Variants in CCDC102B observed in about 807,000 individuals in gnomAD.
CCDC102B encodes coiled-coil domain containing 102B.
Under a neutral mutation model 57.4 loss-of-function variants are expected in CCDC102B, and 75 were observed. The ratio of observed to expected loss-of-function variants is 1.31; its 90% CI spans 1.08 to 1.58. The LOEUF (loss-of-function observed/expected upper bound fraction) is 1.58. Ranked by LOEUF, CCDC102B falls within the 40% of genes most tolerant of loss-of-function variation. CCDC102B has a pLI of 0.00. For synonymous variants in CCDC102B, 206 were observed against 201.9 expected, an observed-to-expected ratio of 1.02 and a Z score of -0.17; for missense variants, 636 against 582.6, an observed-to-expected ratio of 1.09 and a Z score of -0.94.
chr18:69,041,661 C>CT (rs1480165166), intron 7 of CCDC102B, among the ~76,000 whole-genome samples: 7 of 152,108 alleles, frequency 4.6e-5, no homozygotes, highest in African/African-American at 1.2e-4. Context: ...TTATTTCTCT[C>CT]TTTTTTTCTT....
At chr18:68,725,083 C>T (rs2032532045) in intron 2 of CCDC102B, among the ~76,000 whole-genome samples, 1 of 152,126 alleles carries the variant, frequency 6.6e-6, no homozygotes, top group African/African-American at 2.4e-5. Context: ...GAGGGAAGCC[C>T]CTTATACAAC....
chr18:69,003,627 A>G (rs1010400168), intron 6 of CCDC102B, among the ~76,000 whole-genome samples: 6 of 152,178 alleles, frequency 3.9e-5, no homozygotes, highest in Non-Finnish European at 8.8e-5. Flanking sequence ...TCTGATCAAA[A>G]TGAGCACATA....
chr18:68,765,396 A>G (rs180851285), intron 2 of CCDC102B, among the ~76,000 whole-genome samples: 85 of 149,900 alleles, frequency 5.7e-4, no homozygotes, highest in African/African-American at 2.0e-3. Context: ...GAAAGAAAAG[A>G]AAGGAAGGAA....
intron 7 of CCDC102B, among the ~76,000 whole-genome samples, chr18:69,042,438 T>C (rs2052456632): frequency 6.6e-6 from 1 of 152,154 alleles, no homozygotes; most frequent in Admixed American, 6.6e-5. Flanking sequence ...TTTGGTCTTA[T>C]CTACATGGCT....
intron 7 of CCDC102B, among the ~76,000 whole-genome samples, chr18:69,044,318 T>C (rs2052505867): frequency 6.6e-6 from 1 of 152,170 alleles, no homozygotes; most frequent in Non-Finnish European, 1.5e-5. Flanking sequence ...TTTGCCACAG[T>C]AACTTTGGTT....
chr18:68,822,428 G>T (rs2036728572), intron 1 of CCDC102B, among the ~76,000 whole-genome samples: 1 of 151,792 alleles, frequency 6.6e-6, no homozygotes. Flanking sequence ...AAATTTTGTA[G>T]AAACAAATAA....
intron 2 of CCDC102B, among the ~76,000 whole-genome samples, chr18:68,792,143 C>T (rs141814797): frequency 9.8e-4 from 149 of 152,230 alleles, no homozygotes; most frequent in African/African-American, 3.5e-3. Flanking sequence ...CTGCTATGAG[C>T]TCAATTAAAA....
At chr18:68,998,104 G>T (rs546551463) in intron 6 of CCDC102B, among the ~76,000 whole-genome samples, 18 of 151,874 alleles carry the variant, frequency 1.2e-4, no homozygotes, top group Admixed American at 3.9e-4. Context: ...CCATCTTGGT[G>T]ATTACTCTAG....
chr18:68,794,257 T>C (rs971191154), upstream of CCDC102B, among the ~76,000 whole-genome samples: 1 of 152,052 alleles, frequency 6.6e-6, no homozygotes, highest in Admixed American at 6.6e-5. Context: ...AAGAATAGCT[T>C]CCCCATCTCC....
intron 6 of CCDC102B, among the ~76,000 whole-genome samples, chr18:68,983,939 C>A (rs1042278380): frequency 1.9e-4 from 29 of 151,596 alleles, no homozygotes; most frequent in Non-Finnish European, 2.8e-4. Flanking sequence ...AATAACAAAA[C>A]CAATATAACA....
chr18:68,720,206 T>G (rs1436366430), intron 2 of CCDC102B, among the ~76,000 whole-genome samples: 1 of 152,240 alleles, frequency 6.6e-6, no homozygotes, highest in Non-Finnish European at 1.5e-5. Flanking sequence ...CCACCAATTC[T>G]AGAATTATCC....
chr18:68,791,310 A>G (rs2035451380), intron 2 of CCDC102B, among the ~76,000 whole-genome samples: 1 of 152,210 alleles, frequency 6.6e-6, no homozygotes. Context: ...ATTGCAATTT[A>G]ATATAGTTCC....
At chr18:68,877,602 T>A (rs934053594) in intron 5 of CCDC102B, among the ~76,000 whole-genome samples, 1 of 152,242 alleles carries the variant, frequency 6.6e-6, no homozygotes, top group African/African-American at 2.4e-5. Flanking sequence ...CCAAAACTGC[T>A]TTGCTAACAC....
At chr18:68,831,582 G>T (rs894066417) in intron 1 of CCDC102B, among the ~76,000 whole-genome samples, 1 of 152,024 alleles carries the variant, frequency 6.6e-6, no homozygotes, top group African/African-American at 2.4e-5. Flanking sequence ...TTATTAAGTT[G>T]CCTGCTTTGG....
intron 1 of CCDC102B, among the ~76,000 whole-genome samples, chr18:68,807,495 A>G (rs2036076550): frequency 6.6e-6 from 1 of 152,268 alleles, no homozygotes; most frequent in African/African-American, 2.4e-5. Context: ...GAAGACAATA[A>G]TTACATGATT....
intron 6 of CCDC102B, among the ~76,000 whole-genome samples, chr18:68,913,410 G>GCTGAGGTGGGCAGATCAC (rs2040949118): frequency 6.7e-6 from 1 of 150,058 alleles, no homozygotes; most frequent in South Asian, 2.1e-4. Flanking sequence ...ACTTTGGGAG[G>GCTGAGGTGGGCAGATCAC]CTGAGGTGGG....
chr18:68,726,739 A>T (rs1224420109), intron 2 of CCDC102B, among the ~76,000 whole-genome samples: 2 of 152,164 alleles, frequency 1.3e-5, no homozygotes, highest in African/African-American at 4.8e-5. Context: ...GGTGAGGCAG[A>T]TCTAGATGCA....
chr18:68,962,922 T>G lies in CCDC102B; in HGVS notation c.1264-48012T>G, dbSNP rs570910661. Among the ~76,000 whole-genome samples the G allele has an allele frequency of 7.2e-5, 11 of 152,134 alleles. No homozygotes were observed. The South Asian group carries it at 1.2e-3, about 17-fold the overall frequency. ...ACGACTCCTTCTTTCCAATTACACT[T>G]AGGGAATCTAAACAATTCTTCCCAT... On this transcript the variant is annotated intron_variant, in intron 6 of 7. Transcript: ENST00000360242.
intron 6 of CCDC102B, among the ~76,000 whole-genome samples, chr18:68,956,409 A>T (rs1274827855): frequency 2.2e-4 from 7 of 32,248 alleles, no homozygotes; most frequent in Non-Finnish European, 3.8e-4. Context: ...AATATATTTT[A>T]TATATATTAT....
Sources: gnomAD v4.1 joint callset for allele counts (sites outside exome capture counted in the v4.1 genomes callset) on GRCh38, gnomAD v4.1.1 for gene constraint, MANE v1.5 for transcripts, NCBI Gene and HGNC (gene_info 2026-07-23, HGNC 2026-07-21) for gene names.